FAM114A1: variants seen among roughly 807,000 people sequenced by gnomAD.
The protein encoded by FAM114A1 is family with sequence similarity 114 member A1.
In FAM114A1, 62 loss-of-function variants were observed where a neutral mutation model predicts 64.3. The ratio of observed to expected loss-of-function variants is 0.96; its 90% confidence interval spans 0.79 to 1.19. The LOEUF (loss-of-function observed/expected upper bound fraction) is 1.19. FAM114A1 is among the 50% of genes most tolerant of loss of function. The pLI, the probability that FAM114A1 is intolerant of heterozygous loss-of-function variation, is 0.00. For missense variants in FAM114A1, 645 were observed against 676.3 expected (o/e 0.95, Z 0.51); for synonymous variants, 254 against 251.1 (o/e 1.01, Z -0.11).
chr4:38,905,169 A>T (rs1193615696), intron 4 of FAM114A1, among the ~76,000 whole-genome samples: 2 of 152,006 alleles, frequency 1.3e-5, no homozygotes, highest in Non-Finnish European at 1.5e-5. Flanking sequence ...GGCAGAGGTG[A>T]GCCAATCACC....
intron 1 of FAM114A1, chr4:38,868,044 G>T (rs1161552846): frequency 2.3e-6 from 1 of 425,948 alleles, no homozygotes. Context: ...GACCTGCGTG[G>T]GTGCGGGCGT....
chr4:38,904,154 C>T (rs1227304975), intron 4 of FAM114A1, among the ~76,000 whole-genome samples: 3 of 152,154 alleles, frequency 2.0e-5, no homozygotes, highest in African/African-American at 7.2e-5. Flanking sequence ...CCTGAGGTCA[C>T]CCAGGTCCCG....
At position 38,943,657 on chromosome 4, in the gene FAM114A1, C is replaced by T. The variant is rs1320955200; in HGVS notation, c.*100C>T. On this transcript the variant is annotated 3_prime_UTR_variant, in exon 15 of 15. Coordinates refer to ENST00000358869, the MANE Select transcript of FAM114A1 (RefSeq NM_138389.4). ...CTCTGTGCGCCTGGCCACAGACATC[C>T]ATTTGAGGACACTACAAGCAATTTT... 3 of 950,696 alleles carry T rather than the reference C, an allele frequency of 3.2e-6. No individual in the cohort carries two copies. The African/African-American group carries it at 4.8e-5, about 15-fold the overall frequency. The allele number at this position is 950,696 out of a possible 1,614,324, so 58.9% of individuals were successfully genotyped here.
chr4:38,879,360 G>A (rs1480720403), intron 3 of FAM114A1, among the ~76,000 whole-genome samples: 1 of 152,170 alleles, frequency 6.6e-6, no homozygotes, highest in East Asian at 1.9e-4. Context: ...GAACTAAACA[G>A]GGAACTAGGG....
At chr4:38,913,029 C>G (rs1309039248) in intron 7 of FAM114A1, among the ~76,000 whole-genome samples, 2 of 152,160 alleles carry the variant, frequency 1.3e-5, no homozygotes, top group Non-Finnish European at 2.9e-5. Context: ...CAGATAACCT[C>G]GAGAACCCAG....
chr4:38,911,558 G>T (rs993984607), intron 7 of FAM114A1, among the ~76,000 whole-genome samples: 5 of 152,326 alleles, frequency 3.3e-5, no homozygotes, highest in Admixed American at 3.3e-4. Context: ...AGGCCTTGTA[G>T]GTAGTGAGGA....
chr4:38,868,714 G>A (rs1713717037), intron 2 of FAM114A1, among the ~76,000 whole-genome samples, 168 bp downstream of exon 2: 1 of 152,170 alleles, frequency 6.6e-6, no homozygotes, highest in South Asian at 2.1e-4. Context: ...TCTTAAATCA[G>A]TGTGCTCTGA....
chr4:38,943,345 A>G (rs1721719420), intron 14 of FAM114A1, 111 bp from the exon 15 acceptor site: 6 of 792,414 alleles, frequency 7.6e-6, no homozygotes, highest in Admixed American at 4.7e-5. Flanking sequence ...CAAGATAAAT[A>G]TAATCCAATA....
At chr4:38,894,045 C>T (rs1334159394) in intron 4 of FAM114A1, among the ~76,000 whole-genome samples, 2 of 151,824 alleles carry the variant, frequency 1.3e-5, no homozygotes, top group East Asian at 1.9e-4. Context: ...TGCCTGTAGT[C>T]CCAGCTACAT....
At chr4:38,897,707 G>A (rs1416208860) in intron 4 of FAM114A1, among the ~76,000 whole-genome samples, 2 of 151,640 alleles carry the variant, frequency 1.3e-5, no homozygotes, top group African/African-American at 4.9e-5. Flanking sequence ...GGGAGGCTGA[G>A]GCAGGTAAAT....
At chr4:38,908,906 A>T (rs971806925) in intron 7 of FAM114A1, among the ~76,000 whole-genome samples, 180 bp downstream of exon 7, 5 of 152,216 alleles carry the variant, frequency 3.3e-5, no homozygotes. Context: ...TCCTCAGAGG[A>T]GACAACCAGT....
At chr4:38,933,344 A>T (rs1421388764) in intron 12 of FAM114A1, among the ~76,000 whole-genome samples, 1 of 152,184 alleles carries the variant, frequency 6.6e-6, no homozygotes, top group Admixed American at 6.5e-5. Context: ...TTCAACATAT[A>T]CATGAATAGA....
Position 38,875,883 on chromosome 4 carries a change from A to G in FAM114A1, c.-8-2188A>G, listed in dbSNP as rs192673170. 6.8e-4 allele frequency among the ~76,000 whole-genome samples: 103 copies of G among 152,332 alleles called. 4 individuals carry two copies. The South Asian group carries it at 0.013, about 20-fold the overall frequency. On this transcript the variant is annotated intron_variant, in intron 2 of 14. Coordinates refer to ENST00000358869, the MANE Select transcript of FAM114A1 (RefSeq NM_138389.4). Reference sequence around the variant, plus strand: ...CATTTTTATCACCACCGAAAGTTCCATTGAATAGTGCTGTTCTACATGATA... The same window carrying G: ...CATTTTTATCACCACCGAAAGTTCCGTTGAATAGTGCTGTTCTACATGATA...
intron 7 of FAM114A1, among the ~76,000 whole-genome samples, chr4:38,912,021 C>T (rs1057164783): frequency 1.1e-4 from 16 of 151,700 alleles, no homozygotes; most frequent in Admixed American, 7.9e-4. Flanking sequence ...CCACCACGCC[C>T]GGCTAATTTT....
chr4:38,898,379 C>T lies in FAM114A1; in HGVS notation c.436+6549C>T, dbSNP rs150951956. Among the ~76,000 whole-genome samples the T allele has an allele frequency of 3.7e-3, 564 of 152,222 alleles. 2 individuals are homozygous for T. The highest frequency in any genetic ancestry group is 0.013 in the African/African-American group (527 of 41,524). ...TTTTAATGAAACTCTTCTAGCAGCC[C>T]GGTCAGAAATGACAGTGTTTATTAC... On this transcript the variant is annotated intron_variant, in intron 4 of 14. Transcript: ENST00000358869.
At chr4:38,883,095 T>C (rs1715458517) in intron 3 of FAM114A1, among the ~76,000 whole-genome samples, 2 of 152,194 alleles carry the variant, frequency 1.3e-5, no homozygotes, top group Non-Finnish European at 2.9e-5. Context: ...GTCCTCAGCA[T>C]TGGAGGTTGG....
At chr4:38,876,483 T>G (rs1180029939) in intron 2 of FAM114A1, among the ~76,000 whole-genome samples, 1 of 152,200 alleles carries the variant, frequency 6.6e-6, no homozygotes, top group African/African-American at 2.4e-5. Flanking sequence ...CCTATGCTTA[T>G]TCTCATTATT....
intron 2 of FAM114A1, among the ~76,000 whole-genome samples, chr4:38,875,237 A>G (rs967944814): frequency 6.6e-6 from 1 of 152,192 alleles, no homozygotes; most frequent in Non-Finnish European, 1.5e-5. Flanking sequence ...TGATAAGAAT[A>G]GCATTGAATC....
intron 13 of FAM114A1, among the ~76,000 whole-genome samples, chr4:38,938,300 A>G (rs750181532): frequency 6.6e-6 from 1 of 152,172 alleles, no homozygotes; most frequent in East Asian, 1.9e-4. Flanking sequence ...ATGAGAAATG[A>G]CCATGGTACT....
Sources: allele counts gnomAD v4.1 joint callset (sites outside exome capture counted in the v4.1 genomes callset), GRCh38; gene constraint gnomAD v4.1.1; transcripts MANE v1.5; gene names NCBI Gene and HGNC (gene_info 2026-07-23, HGNC 2026-07-21).